The following CLYBL variants were observed in gnomAD, a reference collection of about 807,000 sequenced individuals.
CLYBL encodes the protein citramalyl-CoA lyase.
In CLYBL, 31 loss-of-function variants were observed where a neutral mutation model predicts 38.9. The ratio of observed to expected loss-of-function variants is 0.80; its 90% CI spans 0.60 to 1.08. The LOEUF (loss-of-function observed/expected upper bound fraction) is 1.08. Ranked by LOEUF, CLYBL falls within the 50% of genes least tolerant of loss-of-function variation. The pLI, the probability that CLYBL is intolerant of heterozygous loss-of-function variation, is 0.00. For missense variants in CLYBL, 434 were observed against 411.6 expected (o/e 1.05, Z -0.47); for synonymous variants, 171 against 158.6 (o/e 1.08, Z -0.59).
intron 1 of CLYBL, among the ~76,000 whole-genome samples, chr13:99,712,534 G>C (rs9517843): frequency 0.02 from 3,099 of 151,444 alleles, 52 homozygotes; most frequent in Middle Eastern, 0.11. Flanking sequence ...TTTTGGTAGA[G>C]ACAGAGTTTT....
chr13:99,863,024 C>G lies in CLYBL; in HGVS notation c.472C>G (p.Arg158Gly). The G allele has an allele frequency of 6.2e-7, 1 of 1,610,698 alleles. No homozygotes were observed. The highest frequency in any genetic ancestry group is 1.3e-5 in the African/African-American group (1 of 74,824). Residue 158 changes from arginine to glycine, a missense_variant, in exon 4 of 9, where the codon CGA becomes GGA. By Grantham distance (125) the Arg-to-Gly change is moderately radical. Coordinates refer to ENST00000339105, the MANE Select transcript of CLYBL (RefSeq NM_206808.5). ...ADKFSFHLKG[R>G]KLEQPMNLIP... is the part of the protein sequence containing the mutation. The stretch of plus-strand genomic sequence containing the variant: ...CAAATTTTCATTCCACTTAAAAGGC[C>G]GAAAACTTGAACAACCAATGAATTT...
chr13:99,848,944 G>C lies in CLYBL; in HGVS notation c.250-9917G>C, dbSNP rs139823840. Among the ~76,000 whole-genome samples, 325 of 152,330 alleles carry C rather than the reference G, an allele frequency of 2.1e-3. 2 individuals carry two copies. Among genetic ancestry groups the C allele is most frequent in the African/African-American group, 7.5e-3 (313 of 41,580 alleles). On this transcript the variant is annotated intron_variant, in intron 2 of 8. Transcript: ENST00000339105. ...ACCTGAGGCTTGGAGTTTGAGACCAGCCTGGCCAACGTGGTGAAACCCCAT... is the reference window on the plus strand; with the variant it reads ...ACCTGAGGCTTGGAGTTTGAGACCACCCTGGCCAACGTGGTGAAACCCCAT...
chr13:99,789,742 C>T (rs1422066918), intron 2 of CLYBL, among the ~76,000 whole-genome samples: 1 of 152,122 alleles, frequency 6.6e-6, no homozygotes, highest in Non-Finnish European at 1.5e-5. Flanking sequence ...AGTTCAATTC[C>T]TGGATATCCT....
intron 1 of CLYBL, among the ~76,000 whole-genome samples, chr13:99,631,067 A>G (rs1336571969): frequency 2.6e-5 from 4 of 152,200 alleles, no homozygotes; most frequent in Admixed American, 2.6e-4. Flanking sequence ...CATGCCTGTA[A>G]TCCCAGCACT....
chr13:99,770,784 C>T (rs1444020958), intron 1 of CLYBL, among the ~76,000 whole-genome samples: 4 of 151,794 alleles, frequency 2.6e-5, no homozygotes, highest in East Asian at 1.9e-4. Flanking sequence ...TGCAGTGGTG[C>T]GATCTCCGCT....
chr13:99,614,348 G>C (rs988107270), intron 1 of CLYBL, among the ~76,000 whole-genome samples: 2 of 152,118 alleles, frequency 1.3e-5, no homozygotes, highest in African/African-American at 4.8e-5. Flanking sequence ...AAAGAAAGAA[G>C]GAGACCCTGC....
chr13:99,745,009 C>T (rs1260653885), intron 1 of CLYBL, among the ~76,000 whole-genome samples: 1 of 152,162 alleles, frequency 6.6e-6, no homozygotes, highest in Non-Finnish European at 1.5e-5. Context: ...AGATTGTCAC[C>T]CAACATACTT....
intron 2 of CLYBL, among the ~76,000 whole-genome samples, chr13:99,790,975 A>ATTTT (rs745870772): frequency 6.6e-6 from 1 of 151,770 alleles, no homozygotes; most frequent in African/African-American, 2.4e-5. Flanking sequence ...ACATAATCTC[A>ATTTT]TTTTTTTTCT....
At chr13:99,691,683 G>A (rs1594122129) in intron 1 of CLYBL, among the ~76,000 whole-genome samples, 1 of 152,260 alleles carries the variant, frequency 6.6e-6, no homozygotes, top group East Asian at 1.9e-4. Flanking sequence ...ATGGAGAAAT[G>A]AGAAAGCTTG....
chr13:99,721,696 A>T (rs974508926), intron 1 of CLYBL, among the ~76,000 whole-genome samples: 8 of 138,066 alleles, frequency 5.8e-5, no homozygotes, highest in Admixed American at 8.6e-5. Flanking sequence ...TGTCACTTTA[A>T]TAGCTCTAAA....
At chr13:99,628,982 T>G (rs773374930) in intron 1 of CLYBL, among the ~76,000 whole-genome samples, 2 of 152,236 alleles carry the variant, frequency 1.3e-5, no homozygotes, top group African/African-American at 2.4e-5. Flanking sequence ...GCAGCTAATG[T>G]AGGGTGTTTT....
chr13:99,904,163 T>C (rs1228147292), intron 8 of CLYBL, among the ~76,000 whole-genome samples: 1 of 152,240 alleles, frequency 6.6e-6, no homozygotes, highest in Non-Finnish European at 1.5e-5. Context: ...TCTTGGCTGA[T>C]ATTAGAATTA....
intron 2 of CLYBL, among the ~76,000 whole-genome samples, chr13:99,783,157 C>G (rs1457401419): frequency 6.6e-6 from 1 of 151,846 alleles, no homozygotes; most frequent in Non-Finnish European, 1.5e-5. Flanking sequence ...ATTCTCCTGC[C>G]TAGGCCTCCC....
chr13:99,783,126 T>A (rs765608206), intron 2 of CLYBL, among the ~76,000 whole-genome samples: 6 of 151,652 alleles, frequency 4.0e-5, no homozygotes, highest in Non-Finnish European at 7.4e-5. Flanking sequence ...CACTGTAACC[T>A]CCGCCTCCTG....
intron 1 of CLYBL, among the ~76,000 whole-genome samples, chr13:99,642,496 G>T (rs769850685): frequency 1.2e-4 from 18 of 151,380 alleles, no homozygotes; most frequent in Middle Eastern, 3.2e-3. Flanking sequence ...CTCACTGCAG[G>T]TCACAGCTCC....
At chr13:99,771,810 A>G (rs771866356) in intron 1 of CLYBL, among the ~76,000 whole-genome samples, 1 of 152,228 alleles carries the variant, frequency 6.6e-6, no homozygotes, top group African/African-American at 2.4e-5. Context: ...CTCCTGCTAC[A>G]CCCACGACCA....
chr13:99,697,234 G>A (rs1340196024), intron 1 of CLYBL, among the ~76,000 whole-genome samples: 1 of 152,192 alleles, frequency 6.6e-6, no homozygotes, highest in Non-Finnish European at 1.5e-5. Flanking sequence ...TTGTAAAGGG[G>A]TGTGCAGACA....
intron 1 of CLYBL, among the ~76,000 whole-genome samples, chr13:99,647,833 T>C (rs2047198954): frequency 6.6e-6 from 1 of 152,206 alleles, no homozygotes. Flanking sequence ...AAGCCATAGA[T>C]TTTGACACTA....
At chr13:99,847,744 T>C (rs551321959) in intron 2 of CLYBL, among the ~76,000 whole-genome samples, 6 of 152,296 alleles carry the variant, frequency 3.9e-5, no homozygotes, top group Admixed American at 3.3e-4. Context: ...AAGGAACTCT[T>C]GGGCAGGTGG....
Sources: gnomAD v4.1 joint callset for allele counts (sites outside exome capture counted in the v4.1 genomes callset) on GRCh38, gnomAD v4.1.1 for gene constraint, MANE v1.5 for transcripts, NCBI Gene and HGNC (gene_info 2026-07-23, HGNC 2026-07-21) for gene names.